Variants in EMC2 observed in about 807,000 individuals in gnomAD.
The protein encoded by EMC2 is ER membrane protein complex subunit 2.
A neutral mutation model predicts 51.6 loss-of-function variants in EMC2; 37 were observed. That is an observed-to-expected ratio of 0.72 (90% CI 0.55 to 0.94). EMC2 has a LOEUF of 0.94. Among genes scored for constraint, EMC2 ranks in the 40% least tolerant of loss-of-function variants. The pLI, the probability that EMC2 is intolerant of heterozygous loss-of-function variation, is 0.00. For synonymous variants in EMC2, 131 were observed against 112.4 expected (o/e 1.17, Z -1.04); for missense variants, 359 against 350.9 (o/e 1.02, Z -0.18).
At chr8:108,480,601 T>G (rs1194273567) in intron 10 of EMC2, among the ~76,000 whole-genome samples, 1 of 152,188 alleles carries the variant, frequency 6.6e-6, no homozygotes, top group Non-Finnish European at 1.5e-5. Flanking sequence ...TCACTTTAAA[T>G]GTTACATATT....
Position 108,470,118 on chromosome 8 carries a change from A to G in EMC2, c.506A>G (p.His169Arg), listed in dbSNP as rs1810824316. ...CTTGCAGAACTTTACATCAATGAAC[A>G]TGAGTAAGTTATTAAACACACAACA... The part of the protein sequence containing the change: ...HELAELYINE[H>R]DYAKAAFCLE... Residue 169 changes from histidine to arginine, a missense_variant, in exon 7 of 11, where the codon CAT (histidine) becomes CGT (arginine). Physicochemically the swap from His to Arg is conservative, Grantham distance 29 (BLOSUM62 0). Transcript: ENST00000220853. 2 of 1,607,720 alleles carry G rather than the reference A, an allele frequency of 1.2e-6. No individual in the cohort carries two copies. The highest frequency in any genetic ancestry group is 1.7e-6 in the Non-Finnish European group (2 of 1,174,878).
chr8:108,461,080 A>G (rs545970751), intron 5 of EMC2, among the ~76,000 whole-genome samples: 1 of 152,340 alleles, frequency 6.6e-6, no homozygotes, highest in South Asian at 2.1e-4. Flanking sequence ...CAACAGCTAA[A>G]GTTACTCCAC....
chr8:108,444,172 T>C (rs1818820854), intron 1 of EMC2, among the ~76,000 whole-genome samples: 1 of 152,256 alleles, frequency 6.6e-6, no homozygotes, highest in Non-Finnish European at 1.5e-5. Context: ...GATTCTCATA[T>C]GCCACTCTAC....
chr8:108,464,569 G>A (rs1819420382), intron 5 of EMC2, among the ~76,000 whole-genome samples: 1 of 152,206 alleles, frequency 6.6e-6, no homozygotes, highest in Admixed American at 6.5e-5. Context: ...AAGTGGTTGT[G>A]GATACCCCCA....
intron 10 of EMC2, among the ~76,000 whole-genome samples, chr8:108,481,124 T>TTA (rs1468269647): frequency 6.6e-6 from 1 of 152,136 alleles, no homozygotes; most frequent in African/African-American, 2.4e-5. Context: ...AAATTGACTG[T>TTA]TACCTAGTTT....
chr8:108,448,595 C>G (rs766517770), intron 1 of EMC2, among the ~76,000 whole-genome samples: 1 of 151,912 alleles, frequency 6.6e-6, no homozygotes, highest in African/African-American at 2.4e-5. Context: ...ATGACTTTTT[C>G]CTTCTTGTCT....
Position 108,469,876 on chromosome 8 carries a change from G to C in EMC2, c.414G>C (p.Val138=). Reference sequence around the variant, plus strand: ...TTCGAAAAGCCCAGGGGAAAAATGTGGAGGCCATTCGGGAGCTGAATGAGT... The same window carrying C: ...TTCGAAAAGCCCAGGGGAAAAATGTCGAGGCCATTCGGGAGCTGAATGAGT... ...IAIRKAQGKN[V]EAIRELNEYL... Residue 138 remains valine, a synonymous_variant, in exon 6 of 11, where the codon GTG becomes GTC. Coordinates refer to ENST00000220853, the MANE Select transcript of EMC2 (RefSeq NM_014673.5). 1 of 1,613,524 alleles carries C rather than the reference G, an allele frequency of 6.2e-7. No individual in the cohort carries two copies. Among genetic ancestry groups the C allele is most frequent in the Non-Finnish European group, 8.5e-7 (1 of 1,179,542 alleles).
Position 108,486,770 on chromosome 8 carries a change from GT to G in EMC2, c.*173del. 1.8e-6 allele frequency: 1 copy of G among 558,346 alleles called. No homozygotes were observed. The highest frequency in any genetic ancestry group is 2.9e-6 in the Non-Finnish European group (1 of 347,688). The allele number at this position is 558,346 out of a possible 1,614,324, so 34.6% of individuals were successfully genotyped here. A position where few individuals can be genotyped will look rare whatever the true frequency, so the allele number is the denominator to read the frequency against. On this transcript the variant is annotated 3_prime_UTR_variant, in exon 11 of 11. Coordinates refer to ENST00000220853, the MANE Select transcript of EMC2 (RefSeq NM_014673.5). ...ACCTAAAAATGCCTTTTACTGCTAA[GT>G]GGGGAGATGGGGGAAATCCATGGAA... is the stretch of plus-strand genomic sequence containing the variant.
At chr8:108,465,769 T>A (rs1357439425) in intron 5 of EMC2, among the ~76,000 whole-genome samples, 3 of 152,222 alleles carry the variant, frequency 2.0e-5, no homozygotes, top group Admixed American at 6.5e-5. Flanking sequence ...ATTATTAGCA[T>A]TTATTAAGGG....
chr8:108,451,381 A>G (rs1041632274), intron 3 of EMC2, among the ~76,000 whole-genome samples: 1 of 152,128 alleles, frequency 6.6e-6, no homozygotes, highest in East Asian at 1.9e-4. Context: ...TATTATATTT[A>G]TTTTATAAAT....
intron 5 of EMC2, among the ~76,000 whole-genome samples, chr8:108,461,795 A>G (rs964903387): frequency 1.1e-4 from 16 of 152,034 alleles, no homozygotes; most frequent in Admixed American, 5.9e-4. Context: ...CTGTTCCTCT[A>G]TCCCTGAGCT....
intron 2 of EMC2, 26 bp downstream of exon 2, chr8:108,449,962 TC>T: frequency 9.7e-7 from 1 of 1,027,800 alleles, no homozygotes; most frequent in Non-Finnish European, 1.5e-6. Flanking sequence ...ACATTCAGGC[TC>T]AGTACATGCC....
intron 5 of EMC2, among the ~76,000 whole-genome samples, chr8:108,463,544 G>A (rs1416899632): frequency 1.3e-5 from 2 of 152,180 alleles, no homozygotes; most frequent in African/African-American, 4.8e-5. Flanking sequence ...AGAAAGCAGA[G>A]TAATTATTGT....
chr8:108,478,936 C>A, intron 9 of EMC2, 70 bp from the exon 10 acceptor site: 1 of 696,448 alleles, frequency 1.4e-6, no homozygotes, highest in Non-Finnish European at 2.3e-6. Flanking sequence ...GCAACCATGT[C>A]CCTTATGTTT....
rs1035720589 is a variant in EMC2, at chr8:108,486,606, A to G, written c.*8A>G. ...CAGATCACCCAGTCTTAAGGTTTCA[A>G]AAACTCTTTGACATTAGATTTCACA... On this transcript the variant is annotated 3_prime_UTR_variant, in exon 11 of 11. Coordinates refer to ENST00000220853, the MANE Select transcript of EMC2 (RefSeq NM_014673.5). The G allele has an allele frequency of 9.4e-5, 150 of 1,591,704 alleles. No homozygotes were observed. The highest frequency in any genetic ancestry group is 1.2e-4 in the Non-Finnish European group (143 of 1,172,108).
intron 4 of EMC2, 102 bp from the exon 5 acceptor site, chr8:108,455,771 A>T (rs1388671168): frequency 8.3e-6 from 4 of 480,364 alleles, no homozygotes; most frequent in Non-Finnish European, 1.5e-5. Flanking sequence ...AAATGCATTT[A>T]AATTAAAATA....
At position 108,487,369 on chromosome 8, in the gene EMC2, T is replaced by C. The variant is rs1453146415; in HGVS notation, c.*771T>C. ...AGGGATTAAAGGGGTTGTAGTTATT[T>C]TTAATTTTGAAAAAAATAAGAAAAT... On this transcript the variant is annotated 3_prime_UTR_variant, in exon 11 of 11. Coordinates refer to ENST00000220853, the MANE Select transcript of EMC2 (RefSeq NM_014673.5). Among the ~76,000 whole-genome samples, 2 of 151,982 alleles carry C rather than the reference T, an allele frequency of 1.3e-5. No homozygotes were observed. Among genetic ancestry groups the C allele is most frequent in the African/African-American group, 4.8e-5 (2 of 41,440 alleles).
intron 10 of EMC2, among the ~76,000 whole-genome samples, chr8:108,479,957 T>TA: frequency 6.6e-6 from 1 of 152,184 alleles, no homozygotes; most frequent in African/African-American, 2.4e-5. Context: ...CGTCTTGACT[T>TA]ACTTTTTATC....
At chr8:108,462,448 C>A (rs1414424187) in intron 5 of EMC2, among the ~76,000 whole-genome samples, 1 of 152,122 alleles carries the variant, frequency 6.6e-6, no homozygotes, top group East Asian at 1.9e-4. Context: ...TATTTCCTCT[C>A]AGAAACAGTT....
Sources: allele counts gnomAD v4.1 joint callset (sites outside exome capture counted in the v4.1 genomes callset), GRCh38; gene constraint gnomAD v4.1.1; transcripts MANE v1.5; gene names NCBI Gene and HGNC (gene_info 2026-07-23, HGNC 2026-07-21).